The following TWSG1 variants were observed in gnomAD, a reference collection of about 807,000 sequenced individuals.
TWSG1 encodes twisted gastrulation protein homolog 1.
TWSG1 carries 15 observed loss-of-function variants against 23.0 expected under a neutral mutation model. That is an observed-to-expected ratio of 0.65 (90% CI 0.44 to 1.00). The LOEUF (loss-of-function observed/expected upper bound fraction) is 1.00. Among genes scored for constraint, TWSG1 ranks in the 50% least tolerant of loss-of-function variants. The probability of loss-of-function intolerance (pLI) is 0.00; values close to 1 mark genes in which losing one functional copy is unlikely to be tolerated. For missense variants in TWSG1, 242 were observed against 278.7 expected (o/e 0.87, Z 0.94); for synonymous variants, 86 against 92.8 (o/e 0.93, Z 0.42).
At chr18:9,367,110 T>C (rs1448996399) in intron 3 of TWSG1, among the ~76,000 whole-genome samples, 11 of 152,144 alleles carry the variant, frequency 7.2e-5, no homozygotes, top group Non-Finnish European at 2.9e-5. Context: ...TTTTAAATTT[T>C]TTGTAGAGAT....
rs2040758288 is a variant in TWSG1 at position 9,400,528 on chromosome 18, A to G, written c.*1001A>G. 1 of 152,230 alleles carries G rather than the reference A, an allele frequency of 6.6e-6. No homozygotes were observed. Among genetic ancestry groups the G allele is most frequent in the African/African-American group, 2.4e-5 (1 of 41,452 alleles). The allele number at this position is 152,230 out of a possible 1,614,324, so 9.4% of individuals were successfully genotyped here. On this transcript the variant is annotated 3_prime_UTR_variant, in exon 5 of 5. Transcript: ENST00000262120. Reference sequence around the variant, plus strand: ...CGGCTGATGGGACAGGAATTGAAGAAGAGAATTGACTCGTATGAACAGGAC... The same window carrying G: ...CGGCTGATGGGACAGGAATTGAAGAGGAGAATTGACTCGTATGAACAGGAC...
intron 3 of TWSG1, among the ~76,000 whole-genome samples, chr18:9,378,147 G>C (rs2040639777): frequency 6.6e-6 from 1 of 152,168 alleles, no homozygotes; most frequent in African/African-American, 2.4e-5. Flanking sequence ...CAGACTAGGA[G>C]AAAATATTTA....
chr18:9,372,164 T>C (rs1472860735), intron 3 of TWSG1, among the ~76,000 whole-genome samples: 3 of 151,764 alleles, frequency 2.0e-5, no homozygotes, highest in Admixed American at 2.0e-4. Context: ...ATATATTATA[T>C]ATTTGTATAT....
chr18:9,378,647 G>A (rs1204618588), intron 3 of TWSG1, among the ~76,000 whole-genome samples: 1 of 152,104 alleles, frequency 6.6e-6, no homozygotes, highest in Admixed American at 6.5e-5. Flanking sequence ...AACATTCTAT[G>A]CTCTTGGATA....
chr18:9,356,239 A>G (rs900720439), intron 2 of TWSG1, among the ~76,000 whole-genome samples: 2 of 152,224 alleles, frequency 1.3e-5, no homozygotes, highest in African/African-American at 4.8e-5. Context: ...TTACACCAGT[A>G]TGTAAAAGTG....
chr18:9,358,335 A>T (rs1568033603), intron 2 of TWSG1, among the ~76,000 whole-genome samples: 1 of 152,186 alleles, frequency 6.6e-6, no homozygotes, highest in Non-Finnish European at 1.5e-5. Flanking sequence ...CCTAACAGAG[A>T]TTGACAATTA....
At chr18:9,360,766 A>G (rs538605539) in intron 3 of TWSG1, among the ~76,000 whole-genome samples, 1 of 152,292 alleles carries the variant, frequency 6.6e-6, no homozygotes, top group South Asian at 2.1e-4. Context: ...GGCTATATGC[A>G]TATACTTTTT....
intron 4 of TWSG1, 119 bp from the exon 5 acceptor site, chr18:9,399,227 C>G (rs1268651494): frequency 1.6e-6 from 1 of 609,406 alleles, no homozygotes; most frequent in Non-Finnish European, 2.7e-6. Context: ...TTGTCATGTA[C>G]AGACCAGTAA....
chr18:9,387,535 T>C (rs1387257032), intron 3 of TWSG1, among the ~76,000 whole-genome samples: 8 of 151,860 alleles, frequency 5.3e-5, no homozygotes, highest in Non-Finnish European at 1.2e-4. Flanking sequence ...GAGTCCGAGG[T>C]GGGCAGATCA....
At chr18:9,378,802 C>A (rs1278497890) in intron 3 of TWSG1, among the ~76,000 whole-genome samples, 1 of 150,478 alleles carries the variant, frequency 6.6e-6, no homozygotes, top group African/African-American at 2.5e-5. Context: ...GAAATACCAT[C>A]TCTACAAAAA....
intron 2 of TWSG1, among the ~76,000 whole-genome samples, chr18:9,340,261 G>C (rs576219000): frequency 2.6e-5 from 4 of 151,356 alleles, no homozygotes; most frequent in Admixed American, 1.3e-4. Flanking sequence ...CCAGCTACTC[G>C]GGAGGCTGAG....
intron 2 of TWSG1, among the ~76,000 whole-genome samples, chr18:9,338,069 A>T (rs2040430689): frequency 6.6e-6 from 1 of 152,218 alleles, no homozygotes; most frequent in Non-Finnish European, 1.5e-5. Context: ...CTTCCTTTCT[A>T]GTTGCAGGCT....
intron 2 of TWSG1, among the ~76,000 whole-genome samples, chr18:9,352,304 T>C (rs1017632312): frequency 6.6e-6 from 1 of 152,236 alleles, no homozygotes; most frequent in African/African-American, 2.4e-5. Flanking sequence ...TTTGTGTGGA[T>C]GTACTACAAT....
intron 2 of TWSG1, among the ~76,000 whole-genome samples, chr18:9,346,047 G>A (rs1356636497): frequency 6.6e-6 from 1 of 151,928 alleles, no homozygotes; most frequent in Non-Finnish European, 1.5e-5. Flanking sequence ...CATTTTTATG[G>A]GTTTTGACAA....
At chr18:9,343,201 T>G (rs2028654) in intron 2 of TWSG1, among the ~76,000 whole-genome samples, 98,893 of 142,106 alleles carry the variant, frequency 0.7, 34,678 homozygotes, top group Middle Eastern at 0.75. Flanking sequence ...TGCCCTGTTT[T>G]GTTTTTTGTT....
intron 3 of TWSG1, among the ~76,000 whole-genome samples, chr18:9,364,199 T>C (rs8087892): frequency 0.7 from 106,398 of 152,068 alleles, 37,385 homozygotes; most frequent in Middle Eastern, 0.78. Flanking sequence ...CTGGATTTGG[T>C]TGATTGCTTC....
At chr18:9,382,814 A>AAAAAACC (rs2040664211) in intron 3 of TWSG1, among the ~76,000 whole-genome samples, 1 of 137,070 alleles carries the variant, frequency 7.3e-6, no homozygotes, top group African/African-American at 2.7e-5. Context: ...CTCAAAAAAA[A>AAAAAACC]AAAAACAAAA....
At chr18:9,350,887 T>C (rs1373821076) in intron 2 of TWSG1, among the ~76,000 whole-genome samples, 1 of 152,186 alleles carries the variant, frequency 6.6e-6, no homozygotes, top group Non-Finnish European at 1.5e-5. Context: ...AATCTAATTA[T>C]AATTGTTTAT....
Position 9,396,489 on chromosome 18 carries a change from C to G in TWSG1, c.433C>G (p.His145Asp), listed in dbSNP as rs1324414058. Reference protein sequence around the residue: ...SFLETVNQPHHQNVSVPSNNV... With the variant: ...SFLETVNQPHDQNVSVPSNNV... ...TTTAGAAACTGTGAACCAGCCACAC[C>G]ACCAGAATGTGTCTGTCCCCAGCAA... The change falls in exon 4 of 5, where the codon CAC (histidine) becomes GAC (aspartate). Residue 145 changes from histidine (H) to aspartate (D), a missense_variant. Transcript: ENST00000262120. 1.2e-6 allele frequency: 2 copies of G among 1,613,950 alleles called. No homozygotes were observed. The highest frequency in any genetic ancestry group is 2.7e-5 in the African/African-American group (2 of 74,920).
Sources: allele counts gnomAD v4.1 joint callset (sites outside exome capture counted in the v4.1 genomes callset), GRCh38; gene constraint gnomAD v4.1.1; transcripts MANE v1.5; gene names NCBI Gene and HGNC (gene_info 2026-07-23, HGNC 2026-07-21).